Variants in SESTD1 observed in about 807,000 individuals in gnomAD.
SESTD1 encodes the protein SEC14 domain and spectrin repeat-containing protein 1.
A neutral mutation model predicts 101.7 loss-of-function variants in SESTD1; 43 were observed. The ratio of observed to expected loss-of-function variants is 0.42; its 90% CI spans 0.33 to 0.55. The LOEUF is 0.55. Ranked by LOEUF, SESTD1 falls within the 20% of genes least tolerant of loss-of-function variation. The pLI, the probability that SESTD1 is intolerant of heterozygous loss-of-function variation, is 0.07. For missense variants in SESTD1, 647 were observed against 815.1 expected (o/e 0.79, Z 2.51); for synonymous variants, 283 against 286.8 (o/e 0.99, Z 0.13).
At chr2:179,258,167 A>G (rs2047427653) in intron 1 of SESTD1, among the ~76,000 whole-genome samples, 1 of 152,232 alleles carries the variant, frequency 6.6e-6, no homozygotes, top group African/African-American at 2.4e-5. Context: ...ATTCTGCAGA[A>G]AAGATGCAAC....
At chr2:179,257,090 T>C (rs1247961647) in intron 1 of SESTD1, among the ~76,000 whole-genome samples, 1 of 152,056 alleles carries the variant, frequency 6.6e-6, no homozygotes, top group Non-Finnish European at 1.5e-5. Context: ...AGTCCATCAA[T>C]GTGGCATACT....
In SESTD1 at chr2:179,190,908, C is replaced by A. The variant is rs145431138; in HGVS notation, c.55+879G>T. 2.0e-5 allele frequency among the ~76,000 whole-genome samples: 3 copies of A among 152,216 alleles called. No homozygotes were observed. The South Asian group carries it at 6.2e-4, about 32-fold the overall frequency. ...GTGAAGCTGCAGAGAAAAGGAAATG[C>A]GTATACACTGTTGGTGGTCATGTAA... On this transcript the variant is annotated intron_variant, in intron 2 of 17. Transcript: ENST00000428443.
At chr2:179,182,430 C>T (rs1193042859) in intron 3 of SESTD1, among the ~76,000 whole-genome samples, 2 of 152,078 alleles carry the variant, frequency 1.3e-5, no homozygotes, top group African/African-American at 4.8e-5. Context: ...AGTGAACCCT[C>T]CATCATTAGA....
Position 179,200,832 on chromosome 2 carries a change from T to G in SESTD1, c.-25-8966A>C, listed in dbSNP as rs1298493600. ...ACCATAAAAACCCTAGAAGAAAACC[T>G]AGGCATTACCATTCAGGACATAGGC... On this transcript the variant is annotated intron_variant, in intron 1 of 17. Coordinates refer to ENST00000428443, the MANE Select transcript of SESTD1 (RefSeq NM_178123.5). Among the ~76,000 whole-genome samples, 3 of 134,306 alleles carry G rather than the reference T, an allele frequency of 2.2e-5. 1 individual carries two copies. Among genetic ancestry groups the G allele is most frequent in the African/African-American group, 8.9e-5 (3 of 33,776 alleles). 88.1% of individuals were successfully genotyped at this position (134,306 alleles called of 152,430 possible).
At chr2:179,121,655 A>T (rs1392619190) in intron 13 of SESTD1, 115 bp downstream of exon 13, 1 of 771,984 alleles carries the variant, frequency 1.3e-6, no homozygotes, top group African/African-American at 1.8e-5. Context: ...AACCTACTAC[A>T]TGTCTTCTAT....
At chr2:179,227,407 C>T (rs957538128) in intron 1 of SESTD1, among the ~76,000 whole-genome samples, 1 of 152,128 alleles carries the variant, frequency 6.6e-6, no homozygotes, top group Non-Finnish European at 1.5e-5. Context: ...CTGATACCAT[C>T]CACAAAAGAA....
intron 9 of SESTD1, among the ~76,000 whole-genome samples, chr2:179,138,084 A>C (rs994310386): frequency 2.0e-5 from 3 of 152,176 alleles, no homozygotes; most frequent in African/African-American, 7.2e-5. Flanking sequence ...TATTGTTCAA[A>C]CAAATTCACT....
intron 4 of SESTD1, 30 bp downstream of exon 4, chr2:179,176,418 C>T (rs1160030250): frequency 6.5e-7 from 1 of 1,540,786 alleles, no homozygotes; most frequent in Non-Finnish European, 9.0e-7. Context: ...AAAATAAAAA[C>T]CATTTCCTGA....
chr2:179,132,335 T>C lies in SESTD1; in HGVS notation c.941A>G (p.Gln314Arg). Reference sequence around the variant, plus strand: ...CTGGCTCTCAATCTCTTCGTGTTTCTGCTGTAGGGCCTGGGAGGCCCTAAT... The same window carrying C: ...CTGGCTCTCAATCTCTTCGTGTTTCCGCTGTAGGGCCTGGGAGGCCCTAAT... ...DSIRASQALQ[Q>R]KHEEIESQHS... is the part of the protein sequence containing the mutation. The change falls in exon 10 of 18, where the codon CAG becomes CGG. Residue 314 changes from glutamine (Q) to arginine (R), a missense_variant. Around this residue, in one of 3 missense-constraint regions of SESTD1, gnomAD observed 476 missense variants for 562.6 expected, o/e 0.85. Coordinates refer to ENST00000428443, the MANE Select transcript of SESTD1 (RefSeq NM_178123.5). The C allele has an allele frequency of 1.3e-6, 2 of 1,558,624 alleles. No individual in the cohort carries two copies. The highest frequency in any genetic ancestry group is 1.7e-6 in the Non-Finnish European group (2 of 1,163,632).
At chr2:179,207,605 C>A (rs1308268921) in intron 1 of SESTD1, among the ~76,000 whole-genome samples, 1 of 134,832 alleles carries the variant, frequency 7.4e-6, no homozygotes, top group Non-Finnish European at 1.6e-5. Context: ...AGCCTGGTAA[C>A]CCCAATGGGT....
intron 1 of SESTD1, among the ~76,000 whole-genome samples, chr2:179,222,093 G>C (rs562340341): frequency 1.3e-5 from 2 of 152,172 alleles, no homozygotes; most frequent in East Asian, 1.9e-4. Flanking sequence ...AGTATTTATA[G>C]AGTGACCACC....
At chr2:179,208,666 CA>C (rs2046617390) in intron 1 of SESTD1, among the ~76,000 whole-genome samples, 1 of 134,678 alleles carries the variant, frequency 7.4e-6, no homozygotes, top group Non-Finnish European at 1.6e-5. Flanking sequence ...TTTAGACAAA[CA>C]AATGTTGAAT....
chr2:179,183,238 A>C (rs764281697), intron 2 of SESTD1, 50 bp from the exon 3 acceptor site: 3 of 1,176,142 alleles, frequency 2.6e-6, no homozygotes, highest in African/African-American at 3.1e-5. Flanking sequence ...TTAAGGCATA[A>C]TCTGAATAAT....
chr2:179,198,700 T>C (rs1230654530), intron 1 of SESTD1, among the ~76,000 whole-genome samples: 1 of 151,944 alleles, frequency 6.6e-6, no homozygotes, highest in Non-Finnish European at 1.5e-5. Context: ...TGCTCCTGAA[T>C]GACTACTGGG....
At chr2:179,173,413 A>T (rs1315111000) in intron 4 of SESTD1, among the ~76,000 whole-genome samples, 1 of 152,214 alleles carries the variant, frequency 6.6e-6, no homozygotes, top group Non-Finnish European at 1.5e-5. Context: ...AATGGCAGGT[A>T]CCTTATCTAT....
intron 9 of SESTD1, among the ~76,000 whole-genome samples, chr2:179,140,984 C>T (rs1268982699): frequency 6.6e-6 from 1 of 152,174 alleles, no homozygotes; most frequent in African/African-American, 2.4e-5. Context: ...GTCAGAGTTT[C>T]TCAAAGTTCA....
At chr2:179,140,249 G>A (rs1279533972) in intron 9 of SESTD1, among the ~76,000 whole-genome samples, 5 of 152,108 alleles carry the variant, frequency 3.3e-5, no homozygotes, top group Non-Finnish European at 7.4e-5. Flanking sequence ...ATCTGTTGAA[G>A]TACTGACCCA....
chr2:179,246,808 A>C (rs1161249376), intron 1 of SESTD1, among the ~76,000 whole-genome samples: 1 of 152,212 alleles, frequency 6.6e-6, no homozygotes, highest in East Asian at 1.9e-4. Flanking sequence ...ATAAAAGAAC[A>C]ATCTTCAACC....
chr2:179,108,279 T>G lies in SESTD1; in HGVS notation c.*1620A>C, dbSNP rs993841214. 24 of 152,160 alleles carry G rather than the reference T, an allele frequency of 1.6e-4. No individual in the cohort carries two copies. The highest frequency in any genetic ancestry group is 5.6e-4 in the African/African-American group (23 of 41,434). 9.4% of individuals were successfully genotyped at this position (152,160 alleles called of 1,614,324 possible). A position where few individuals can be genotyped will look rare whatever the true frequency, so the allele number is the denominator to read the frequency against. ...GCAGGCACATCTTAAATTAGGGTTA[T>G]GCGACTGTACTCACAGTTATTTCAG... On this transcript the variant is annotated 3_prime_UTR_variant, in exon 18 of 18. Transcript: ENST00000428443.
Sources: allele counts gnomAD v4.1 joint callset (sites outside exome capture counted in the v4.1 genomes callset), GRCh38; gene constraint gnomAD v4.1.1; regional missense constraint gnomAD v4.1.1; transcripts MANE v1.5; gene names NCBI Gene and HGNC (gene_info 2026-07-23, HGNC 2026-07-21).